The following MPRIP variants were observed in gnomAD, a reference collection of about 807,000 sequenced individuals.
MPRIP encodes the protein myosin phosphatase Rho interacting protein.
MPRIP carries 59 observed loss-of-function variants against 234.9 expected under a neutral mutation model. The observed-to-expected ratio is 0.25, with a 90% confidence interval of 0.20 to 0.31. MPRIP has a LOEUF of 0.31. MPRIP is among the 10% of genes least tolerant of loss of function. The pLI is 1.00. For missense variants in MPRIP, 2,436 were observed against 3,071.0 expected, an observed-to-expected ratio of 0.79 and a Z score of 4.89; for synonymous variants, 1,144 against 1,263.9, an observed-to-expected ratio of 0.91 and a Z score of 2.01.
At chr17:17,082,283 C>T (rs1251112468) in intron 3 of MPRIP, among the ~76,000 whole-genome samples, 1 of 123,198 alleles carries the variant, frequency 8.1e-6, no homozygotes, top group African/African-American at 3.3e-5. Flanking sequence ...ATGCTTTTTC[C>T]AATTTTTTTT....
chr17:17,063,700 AC>A (rs2088933774), intron 1 of MPRIP, among the ~76,000 whole-genome samples: 1 of 152,200 alleles, frequency 6.6e-6, no homozygotes, highest in Non-Finnish European at 1.5e-5. Context: ...TGGGTTAACC[AC>A]CGTTAGAGAT....
At chr17:17,067,989 A>G (rs994232793) in intron 1 of MPRIP, among the ~76,000 whole-genome samples, 3 of 151,644 alleles carry the variant, frequency 2.0e-5, no homozygotes, top group East Asian at 1.9e-4. Flanking sequence ...TCCATTTCCT[A>G]TATGTTGTCA....
chr17:17,187,805 G>A lies in MPRIP; in HGVS notation c.*2911G>A, dbSNP rs2046505175. 1 of 152,296 alleles carries A rather than the reference G, an allele frequency of 6.6e-6. No homozygotes were observed. Among genetic ancestry groups the A allele is most frequent in the Non-Finnish European group, 1.5e-5 (1 of 68,078 alleles). The allele number at this position is 152,296 out of a possible 1,614,324, so 9.4% of individuals were successfully genotyped here. ...TGTATGGGGAGAGGAAAGTCTTAGG[G>A]ACAGCTGCAGGCGGGGTCTCAGGCT... is the stretch of plus-strand genomic sequence containing the variant. On this transcript the variant is annotated 3_prime_UTR_variant, in exon 24 of 24. Transcript: ENST00000651222.
intron 3 of MPRIP, among the ~76,000 whole-genome samples, chr17:17,079,582 A>G (rs2089415589): frequency 6.6e-6 from 1 of 152,190 alleles, no homozygotes; most frequent in African/African-American, 2.4e-5. Flanking sequence ...TGGCTGACTG[A>G]CTGGCTGAGT....
chr17:17,180,553 C>T (rs2046351462), intron 23 of MPRIP: 1 of 1,529,676 alleles, frequency 6.5e-7, no homozygotes, highest in Non-Finnish European at 9.1e-7. Context: ...GGGAGCGGCA[C>T]CGCGTGTGTT....
intron 12 of MPRIP, among the ~76,000 whole-genome samples, chr17:17,150,706 A>AG: frequency 6.6e-6 from 1 of 152,024 alleles, no homozygotes; most frequent in Non-Finnish European, 1.5e-5. Context: ...TCAAAAAAAA[A>AG]AAAAAAAAAA....
chr17:17,048,011 C>G (rs1269731754), intron 1 of MPRIP, among the ~76,000 whole-genome samples: 1 of 152,120 alleles, frequency 6.6e-6, no homozygotes, highest in African/African-American at 2.4e-5. Flanking sequence ...GTCTGGAACC[C>G]AGGGTGCTCA....
intron 3 of MPRIP, among the ~76,000 whole-genome samples, chr17:17,123,977 A>G (rs1468627291): frequency 5.3e-5 from 8 of 152,220 alleles, no homozygotes; most frequent in Non-Finnish European, 1.0e-4. Flanking sequence ...ATCTTGACAC[A>G]CAGGTAGTTA....
intron 3 of MPRIP, among the ~76,000 whole-genome samples, chr17:17,085,218 C>T (rs1408924493): frequency 6.6e-6 from 1 of 152,152 alleles, no homozygotes; most frequent in Non-Finnish European, 1.5e-5. Flanking sequence ...AGGCACCTCC[C>T]GGGCTATTCG....
intron 7 of MPRIP, 57 bp from the exon 8 acceptor site, chr17:17,142,570 C>T: frequency 1.9e-6 from 3 of 1,591,122 alleles, no homozygotes; most frequent in Non-Finnish European, 2.6e-6. Flanking sequence ...AGTCGGCTCA[C>T]TGCCACCTCA....
chr17:17,098,166 G>A (rs920961712), intron 3 of MPRIP, among the ~76,000 whole-genome samples: 19 of 152,126 alleles, frequency 1.2e-4, no homozygotes, highest in Non-Finnish European at 1.5e-5. Flanking sequence ...TTTGATAAGC[G>A]AGGAAACCGC....
In MPRIP at chr17:17,158,733, C is replaced by T. The variant is rs199625689; in HGVS notation, c.2131C>T (p.Arg711Cys). 6.2e-6 allele frequency: 10 copies of T among 1,610,842 alleles called. No individual in the cohort carries two copies. The highest frequency in any genetic ancestry group is 2.2e-5 in the East Asian group (1 of 44,874). Residue 711 changes from arginine to cysteine, a missense_variant, in exon 14 of 24, where the codon CGC becomes TGC. Physicochemically the swap from Arg to Cys is radical, Grantham distance 180. Transcript: ENST00000651222. ...GCGTGCACGGAGGCGGGAGGAGCGC[C>T]GCAAGCGCTTCGGGATGCTCGACGC... The part of the protein sequence containing the change: ...RERARRREER[R>C]KRFGMLDATD...
In MPRIP at chr17:17,053,598, C is replaced by T. The variant is rs139477685; in HGVS notation, c.123+10627C>T. On this transcript the variant is annotated intron_variant, in intron 1 of 23. Coordinates refer to ENST00000651222, the MANE Select transcript of MPRIP (RefSeq NM_001364716.4). ...TGTCCACCATGGGCCAGGCCATGGG[C>T]GAGATGGGGCAGGGGCAGTGCGGGG... 2.2e-3 allele frequency among the ~76,000 whole-genome samples: 333 copies of T among 152,266 alleles called. 1 individual carries two copies. Among genetic ancestry groups the T allele is most frequent in the African/African-American group, 7.7e-3 (319 of 41,558 alleles).
In MPRIP at chr17:17,122,491, C is replaced by G. The variant is rs554670500; in HGVS notation, c.268-4211C>G. Among the ~76,000 whole-genome samples, 3 of 152,256 alleles carry G rather than the reference C, an allele frequency of 2.0e-5. No individual in the cohort carries two copies. The East Asian group carries it at 5.8e-4, about 29-fold the overall frequency. On this transcript the variant is annotated intron_variant, in intron 3 of 23. Coordinates refer to ENST00000651222, the MANE Select transcript of MPRIP (RefSeq NM_001364716.4). Reference sequence around the variant, plus strand: ...GCCTCAGCCTCCCGAGTAGCTGGGACTATAGACGACTGCCACCACGCCCAG... The same window carrying G: ...GCCTCAGCCTCCCGAGTAGCTGGGAGTATAGACGACTGCCACCACGCCCAG...
At chr17:17,069,173 A>G (rs1278539688) in intron 1 of MPRIP, among the ~76,000 whole-genome samples, 2 of 152,204 alleles carry the variant, frequency 1.3e-5, no homozygotes, top group South Asian at 2.1e-4. Flanking sequence ...TTTTATCATT[A>G]TATAATATTC....
chr17:17,154,777 C>G (rs1048928742), intron 13 of MPRIP, among the ~76,000 whole-genome samples: 4 of 152,214 alleles, frequency 2.6e-5, no homozygotes, highest in Non-Finnish European at 5.9e-5. Context: ...CTAAGGGTGG[C>G]CCCATGTGCG....
At chr17:17,066,163 C>G (rs112458709) in intron 1 of MPRIP, among the ~76,000 whole-genome samples, 6 of 152,126 alleles carry the variant, frequency 3.9e-5, no homozygotes, top group African/African-American at 1.2e-4. Flanking sequence ...TAGAAATTCG[C>G]GCACTATGTT....
chr17:17,109,280 C>T (rs1471683120), intron 3 of MPRIP, among the ~76,000 whole-genome samples: 3 of 152,206 alleles, frequency 2.0e-5, no homozygotes, highest in Admixed American at 1.3e-4. Flanking sequence ...AGGGAGTGTG[C>T]ACTTTTGCAG....
At chr17:17,065,280 C>A (rs2088987073) in intron 1 of MPRIP, among the ~76,000 whole-genome samples, 1 of 151,948 alleles carries the variant, frequency 6.6e-6, no homozygotes, top group South Asian at 2.1e-4. Flanking sequence ...TTGTGCAGAG[C>A]AAAAGTTTTT....
Sources: gnomAD v4.1 joint callset for allele counts (sites outside exome capture counted in the v4.1 genomes callset) on GRCh38, gnomAD v4.1.1 for gene constraint, MANE v1.5 for transcripts, NCBI Gene and HGNC (gene_info 2026-07-23, HGNC 2026-07-21) for gene names.